RASA3: variants seen among roughly 807,000 people sequenced by gnomAD.
RASA3 encodes the protein ras GTPase-activating protein 3.
In RASA3, 73 loss-of-function variants were observed where a neutral mutation model predicts 110.0. The ratio of observed to expected loss-of-function variants is 0.66; its 90% CI spans 0.55 to 0.81. The LOEUF (loss-of-function observed/expected upper bound fraction) is 0.81. RASA3 is among the 30% of genes least tolerant of loss of function. The probability of loss-of-function intolerance (pLI) is 0.00; values close to 1 mark genes in which losing one functional copy is unlikely to be tolerated. For synonymous variants in RASA3, 500 were observed against 451.4 expected (o/e 1.11, Z -1.37); for missense variants, 976 against 1,113.2 (o/e 0.88, Z 1.75).
At chr13:114,010,445 C>G (rs1490919416) in intron 16 of RASA3, among the ~76,000 whole-genome samples, 4 of 151,854 alleles carry the variant, frequency 2.6e-5, no homozygotes, top group Non-Finnish European at 5.9e-5. Flanking sequence ...CTGACCCCCT[C>G]AAACACACAA....
intron 13 of RASA3, among the ~76,000 whole-genome samples, chr13:114,015,902 C>A (rs951269268): frequency 6.6e-6 from 1 of 151,992 alleles, no homozygotes; most frequent in African/African-American, 2.4e-5. Context: ...GCAGGGCAGA[C>A]CCTCCGGGGG....
Position 114,115,119 on chromosome 13 carries a change from G to A in RASA3, c.55+17316C>T, listed in dbSNP as rs753209697. The stretch of plus-strand genomic sequence containing the variant: ...GAGAAGGCTTCTCCACAGAGAGGCC[G>A]CTGAACAAGGCACAGGGCCAGGTCT... On this transcript the variant is annotated intron_variant, in intron 1 of 23. Transcript: ENST00000334062. The surrounding 1 kb of genome is among the most constrained non-coding windows in gnomAD (Gnocchi z 5.0). 1.1e-4 allele frequency among the ~76,000 whole-genome samples: 16 copies of A among 152,338 alleles called. No individual in the cohort carries two copies. The highest frequency in any genetic ancestry group is 2.2e-4 in the African/African-American group (9 of 41,584).
At chr13:114,033,028 C>T (rs372561870) in intron 4 of RASA3, among the ~76,000 whole-genome samples, 5 of 71,952 alleles carry the variant, frequency 6.9e-5, no homozygotes, top group East Asian at 5.2e-4. Flanking sequence ...CTTGATACCA[C>T]GTTCCACGGC....
chr13:114,062,059 G>A (rs2079362568), intron 2 of RASA3, among the ~76,000 whole-genome samples: 2 of 152,188 alleles, frequency 1.3e-5, no homozygotes, highest in Non-Finnish European at 2.9e-5. Flanking sequence ...TCTGGGGTCT[G>A]CAGGTTCCAT....
At chr13:114,081,613 A>G (rs1861539635) in intron 1 of RASA3, among the ~76,000 whole-genome samples, 1 of 152,212 alleles carries the variant, frequency 6.6e-6, no homozygotes, top group Admixed American at 6.5e-5. Flanking sequence ...TCTTATAAAC[A>G]GGTAATAAAA....
At chr13:114,069,757 G>GAAGGGAGACTCGGGGA (rs2079531306) in intron 2 of RASA3, among the ~76,000 whole-genome samples, 1 of 15,120 alleles carries the variant, frequency 6.6e-5, no homozygotes, top group Non-Finnish European at 1.4e-4. Flanking sequence ...GACTTGGGGG[G>GAAGGGAGACTCGGGGA]CTGGGAGACT....
rs1406291697 is a variant in RASA3, at chr13:114,011,390, G to A, written c.1513-142C>T. 1.9e-5 allele frequency: 14 copies of A among 732,156 alleles called. No individual in the cohort carries two copies. The highest frequency in any genetic ancestry group is 2.8e-5 in the Non-Finnish European group (12 of 426,892). 45.4% of individuals were successfully genotyped at this position (732,156 alleles called of 1,614,324 possible). A position where few individuals can be genotyped will look rare whatever the true frequency, so the allele number is the denominator to read the frequency against. On this transcript the variant is annotated intron_variant, in intron 15 of 23. Coordinates refer to ENST00000334062, the MANE Select transcript of RASA3 (RefSeq NM_007368.4). This position sits in a 1 kb window ranked among gnomAD's most constrained non-coding sequence, Gnocchi z 4.8. ...GCTACGGAGAAACAGGGGTAGCGAC[G>A]CAGATGGGACTGGAGGGGGTGGGCG...
chr13:114,059,607 C>T (rs1019467875), intron 2 of RASA3, among the ~76,000 whole-genome samples: 2 of 152,254 alleles, frequency 1.3e-5, no homozygotes, highest in South Asian at 2.1e-4. Flanking sequence ...AGAGGGCGCT[C>T]GGCTGGGGAA....
intron 2 of RASA3, among the ~76,000 whole-genome samples, chr13:114,070,187 TTGGGGGCTGGGAGAC>T (rs2079546578): frequency 2.6e-5 from 1 of 39,142 alleles, no homozygotes; most frequent in Non-Finnish European, 4.7e-5. Context: ...GCCGGGAGAC[TTGGGGGCTGGGAGAC>T]TGGGGGGTGG....
At position 114,056,975 on chromosome 13, in the gene RASA3, C is replaced by G. The variant is rs2079256553; in HGVS notation, c.174-4820G>C. 6.6e-6 allele frequency among the ~76,000 whole-genome samples: 1 copy of G among 152,058 alleles called. No individual in the cohort carries two copies. Among genetic ancestry groups the G allele is most frequent in the Admixed American group, 6.5e-5 (1 of 15,276 alleles). On this transcript the variant is annotated intron_variant, in intron 2 of 23. Transcript: ENST00000334062. The surrounding 1 kb of genome is among the most constrained non-coding windows in gnomAD (Gnocchi z 5.7). Reference sequence around the variant, plus strand: ...CTTTGGGGCCCTCTGTCAGGCTGCCCCCCCTGCTAAGAGGAGCTGTTGTCC... The same window carrying G: ...CTTTGGGGCCCTCTGTCAGGCTGCCGCCCCTGCTAAGAGGAGCTGTTGTCC...
chr13:113,999,416 A>T (rs2053331248), intron 20 of RASA3, among the ~76,000 whole-genome samples, 169 bp downstream of exon 20: 1 of 151,954 alleles, frequency 6.6e-6, no homozygotes, highest in South Asian at 2.1e-4. Context: ...CGAGATTCCG[A>T]CACAAACTCA....
At chr13:114,131,199 G>C (rs914629892) in intron 1 of RASA3, among the ~76,000 whole-genome samples, 2 of 152,176 alleles carry the variant, frequency 1.3e-5, no homozygotes, top group African/African-American at 2.4e-5. Context: ...AGGGGAGCTG[G>C]AATGCCTCCG....
chr13:114,061,297 G>C (rs2079342916), intron 2 of RASA3, among the ~76,000 whole-genome samples: 1 of 152,082 alleles, frequency 6.6e-6, no homozygotes, highest in Non-Finnish European at 1.5e-5. Flanking sequence ...GGTTCTTCAG[G>C]TCTCTTGATG....
intron 1 of RASA3, among the ~76,000 whole-genome samples, chr13:114,076,997 G>GT (rs1282357087): frequency 2.0e-5 from 3 of 152,154 alleles, no homozygotes; most frequent in African/African-American, 4.8e-5. Context: ...GGATTTCTTT[G>GT]TTTTTTGCAA....
chr13:114,046,525 A>G (rs1041100327), intron 3 of RASA3, among the ~76,000 whole-genome samples: 2 of 152,228 alleles, frequency 1.3e-5, no homozygotes, highest in Non-Finnish European at 2.9e-5. Context: ...AAGATTATGC[A>G]GACATTTCTA....
At chr13:114,024,420 C>T in intron 7 of RASA3, 65 bp from the exon 8 acceptor site, 1 of 1,469,304 alleles carries the variant, frequency 6.8e-7, no homozygotes, top group Non-Finnish European at 9.5e-7. Context: ...ATATGCGGAC[C>T]TAGGCCCCGG....
At chr13:114,039,242 G>A (rs1170298990) in intron 4 of RASA3, among the ~76,000 whole-genome samples, 3 of 150,762 alleles carry the variant, frequency 2.0e-5, no homozygotes, top group Admixed American at 6.6e-5. Flanking sequence ...ACCCTCCTAC[G>A]TCCCAGGGCC....
chr13:114,032,733 C>T (rs1259478924), intron 4 of RASA3, among the ~76,000 whole-genome samples: 14 of 131,974 alleles, frequency 1.1e-4, no homozygotes, highest in African/African-American at 2.7e-4. Context: ...CTTGACACCA[C>T]GTTCCATGGC....
intron 1 of RASA3, among the ~76,000 whole-genome samples, chr13:114,123,752 C>A (rs923022260): frequency 6.6e-6 from 1 of 152,158 alleles, no homozygotes; most frequent in Non-Finnish European, 1.5e-5. Flanking sequence ...GTGGGCCATG[C>A]GGGGCTGGGA....
Sources: gnomAD v4.1 joint callset for allele counts (sites outside exome capture counted in the v4.1 genomes callset) on GRCh38, gnomAD v4.1.1 for gene constraint, Gnocchi (gnomAD v3.1) non-coding constraint, MANE v1.5 for transcripts, NCBI Gene and HGNC (gene_info 2026-07-23, HGNC 2026-07-21) for gene names.